Variants in OR2T6 observed in about 807,000 individuals in gnomAD.
OR2T6 encodes the protein olfactory receptor 2T6.
For missense variants in OR2T6, 424 were observed against 391.6 expected (o/e 1.08, Z -0.70); for synonymous variants, 174 against 148.0 (o/e 1.18, Z -1.27).
Position 248,390,392 on chromosome 1 carries a change from A to C in OR2T6, c.*1857A>C, listed in dbSNP as rs988536148. 1 of 152,162 alleles carries C rather than the reference A, an allele frequency of 6.6e-6. No individual in the cohort carries two copies. The highest frequency in any genetic ancestry group is 1.5e-5 in the Non-Finnish European group (1 of 68,040). The allele number at this position is 152,162 out of a possible 1,614,324, so 9.4% of individuals were successfully genotyped here. A position where few individuals can be genotyped will look rare whatever the true frequency, so the allele number is the denominator to read the frequency against. ...TTTGTACTGTCATTGGTTTAACAAAATCCAAGCCGGGTTCAGTGACGTTCT... is the reference window on the plus strand; with the variant it reads ...TTTGTACTGTCATTGGTTTAACAAACTCCAAGCCGGGTTCAGTGACGTTCT... On this transcript the variant is annotated 3_prime_UTR_variant, in exon 3 of 3. Coordinates refer to ENST00000641644, the MANE Select transcript of OR2T6 (RefSeq NM_001005471.2).
chr1:248,385,672 C>T (rs7554150), intron 2 of OR2T6, among the ~76,000 whole-genome samples: 12,203 of 152,146 alleles, frequency 0.08, 1,480 homozygotes, highest in African/African-American at 0.27. Flanking sequence ...ACAGGTGACA[C>T]ATAATTTTAG....
intron 2 of OR2T6, among the ~76,000 whole-genome samples, chr1:248,386,589 C>G (rs547403391): frequency 6.6e-6 from 1 of 152,170 alleles, no homozygotes; most frequent in African/African-American, 2.4e-5. Flanking sequence ...TTACAAACTG[C>G]AACTCAATTC....
chr1:248,377,318 T>C (rs767386122), intron 1 of OR2T6, among the ~76,000 whole-genome samples: 1 of 152,252 alleles, frequency 6.6e-6, no homozygotes, highest in Non-Finnish European at 1.5e-5. Flanking sequence ...CTTCTGTCAT[T>C]TGTGCTCTCA....
Position 248,388,619 on chromosome 1 carries a change from G to C in OR2T6, c.*84G>C. On this transcript the variant is annotated 3_prime_UTR_variant, in exon 3 of 3. Transcript: ENST00000641644. The stretch of plus-strand genomic sequence containing the variant: ...CAGGCATATATGGGGTCGTATCATG[G>C]ATACCACGGATGATGCTGACAGGAA... 1 of 1,006,174 alleles carries C rather than the reference G, an allele frequency of 9.9e-7. No individual in the cohort carries two copies. Among genetic ancestry groups the C allele is most frequent in the Non-Finnish European group, 1.4e-6 (1 of 692,388 alleles). The allele number at this position is 1,006,174 out of a possible 1,614,324, so 62.3% of individuals were successfully genotyped here.
chr1:248,386,139 G>T (rs1661132942), intron 2 of OR2T6, among the ~76,000 whole-genome samples: 1 of 152,186 alleles, frequency 6.6e-6, no homozygotes, highest in Non-Finnish European at 1.5e-5. Context: ...CTGCCTCTCT[G>T]TCTGGTGTAA....
At position 248,388,193 on chromosome 1, in the gene OR2T6, T is replaced by C; in HGVS notation, c.585T>C (p.Tyr195=). The C allele has an allele frequency of 1.2e-6, 2 of 1,613,896 alleles. No individual in the cohort carries two copies. Among genetic ancestry groups the C allele is most frequent in the East Asian group, 2.2e-5 (1 of 44,810 alleles). ...LRLACGDKTT[Y]ETVMYVCCVA... is the part of the protein sequence containing the mutation. ...TGGCCTGTGGGGACAAAACCACCTA[T>C]GAAACAGTGATGTATGTGTGCTGCG... Residue 195 remains tyrosine (Y), a synonymous_variant, in exon 3 of 3, where the codon TAT becomes TAC. Coordinates refer to ENST00000641644, the MANE Select transcript of OR2T6 (RefSeq NM_001005471.2).
At chr1:248,377,112 T>A (rs6681758) in intron 1 of OR2T6, among the ~76,000 whole-genome samples, 115,812 of 152,082 alleles carry the variant, frequency 0.76, 44,685 homozygotes, top group African/African-American at 0.89. Context: ...GTTGTCAGTC[T>A]GGCTATGTTG....
intron 1 of OR2T6, among the ~76,000 whole-genome samples, chr1:248,381,917 A>G (rs2103069025): frequency 6.6e-6 from 1 of 152,288 alleles, no homozygotes; most frequent in South Asian, 2.1e-4. Context: ...CTCAACTAAA[A>G]TGTATCTAAT....
At chr1:248,381,905 C>T (rs143129797) in intron 1 of OR2T6, among the ~76,000 whole-genome samples, 1 of 152,210 alleles carries the variant, frequency 6.6e-6, no homozygotes, top group East Asian at 1.9e-4. Context: ...CCACACATTA[C>T]TCTCAACTAA....
At chr1:248,380,311 T>C (rs1348670994) in intron 1 of OR2T6, among the ~76,000 whole-genome samples, 2 of 152,076 alleles carry the variant, frequency 1.3e-5, no homozygotes, top group Non-Finnish European at 2.9e-5. Flanking sequence ...ACTCTTCTCA[T>C]ATCTGTAGTT....
In OR2T6 at chr1:248,388,217, C is replaced by A. The variant is rs371285735; in HGVS notation, c.609C>A (p.Cys203Ter). ...ATGAAACAGTGATGTATGTGTGCTG[C>A]GTTGCAATGCTGCTGATCCCCTTCT... Reference protein sequence around the residue: ...TTYETVMYVCCVAMLLIPFSV... With the variant: ...TTYETVMYVC The change falls in exon 3 of 3, where the codon TGC (cysteine) becomes TGA (stop). Residue 203 changes from cysteine (C) to a stop codon, truncating the protein, a stop_gained. Coordinates refer to ENST00000641644, the MANE Select transcript of OR2T6 (RefSeq NM_001005471.2). LOFTEE classifies it low-confidence loss of function (END_TRUNC). The A allele has an allele frequency of 1.2e-6, 2 of 1,613,882 alleles. No individual in the cohort carries two copies. The highest frequency in any genetic ancestry group is 2.2e-5 in the South Asian group (2 of 91,050).
At position 248,387,956 on chromosome 1, in the gene OR2T6, G is replaced by T; in HGVS notation, c.348G>T (p.Gly116=). ...TGGGGGCTGAATTCTTCCTGCTGGG[G>T]CTCATGGCCTATGACCGCTACGTGG... ...GFMGAEFFLL[G]LMAYDRYVAI... Residue 116 remains glycine, a synonymous_variant, in exon 3 of 3, where the codon GGG becomes GGT. Coordinates refer to ENST00000641644, the MANE Select transcript of OR2T6 (RefSeq NM_001005471.2). 2 of 1,607,768 alleles carry T rather than the reference G, an allele frequency of 1.2e-6. No individual in the cohort carries two copies. The highest frequency in any genetic ancestry group is 1.7e-6 in the Non-Finnish European group (2 of 1,176,918).
chr1:248,381,297 G>A (rs998200164), intron 1 of OR2T6, among the ~76,000 whole-genome samples: 1 of 144,476 alleles, frequency 6.9e-6, no homozygotes, highest in South Asian at 2.1e-4. Flanking sequence ...AAAAAAAAAT[G>A]TATTTTTTTT....
intron 1 of OR2T6, among the ~76,000 whole-genome samples, chr1:248,376,632 T>C (rs1000259636): frequency 6.9e-6 from 1 of 145,266 alleles, no homozygotes; most frequent in African/African-American, 2.6e-5. Flanking sequence ...CACTCATGTA[T>C]GTATTTAATT....
At chr1:248,376,262 C>G (rs529762722) in intron 1 of OR2T6, among the ~76,000 whole-genome samples, 1 of 152,100 alleles carries the variant, frequency 6.6e-6, no homozygotes. Context: ...ATAATTAAAT[C>G]GAATGGGATT....
Position 248,388,477 on chromosome 1 carries a change from A to G in OR2T6, c.869A>G (p.Tyr290Cys), listed in dbSNP as rs978550281. The change falls in exon 3 of 3, where the codon TAC (tyrosine) becomes TGC (cysteine). Residue 290 changes from tyrosine (Y) to cysteine (C), a missense_variant. Physicochemically the swap from Tyr to Cys is radical, Grantham distance 194. Transcript: ENST00000641644. ...ILTPLLNPLI[Y>C]SLRNRDVMGA... ...ACACCCTTATTAAACCCTCTCATCT[A>G]CAGTCTGAGGAACAGGGATGTGATG... 21 of 1,604,642 alleles carry G rather than the reference A, an allele frequency of 1.3e-5. No individual in the cohort carries two copies. The African/African-American group carries it at 2.4e-4, about 18-fold the overall frequency.
intron 1 of OR2T6, among the ~76,000 whole-genome samples, chr1:248,379,912 C>T (rs984511587): frequency 3.3e-5 from 5 of 151,908 alleles, no homozygotes; most frequent in Middle Eastern, 3.2e-3. Flanking sequence ...ATGTGCACAA[C>T]GTGCAGGTTT....
At chr1:248,380,313 T>C (rs561116874) in intron 1 of OR2T6, among the ~76,000 whole-genome samples, 107 of 152,152 alleles carry the variant, frequency 7.0e-4, no homozygotes, top group African/African-American at 2.5e-3. Context: ...TCTTCTCATA[T>C]CTGTAGTTGG....
chr1:248,383,734 G>T (rs1365769826), intron 1 of OR2T6, among the ~76,000 whole-genome samples: 12 of 32,458 alleles, frequency 3.7e-4, no homozygotes, highest in African/African-American at 2.5e-3. Context: ...TCGTCATGGA[G>T]AAAGCACTGC....
Sources: allele counts gnomAD v4.1 joint callset (sites outside exome capture counted in the v4.1 genomes callset), GRCh38; gene constraint gnomAD v4.1.1; transcripts MANE v1.5; gene names NCBI Gene and HGNC (gene_info 2026-07-23, HGNC 2026-07-21).